WDR3: variants seen among roughly 807,000 people sequenced by gnomAD.
The protein encoded by WDR3 is WD repeat domain 3.
Under a neutral mutation model 123.7 loss-of-function variants are expected in WDR3, and 81 were observed. The observed-to-expected ratio is 0.65, with a 90% confidence interval of 0.55 to 0.79. WDR3 has a LOEUF of 0.79. Among genes scored for constraint, WDR3 ranks in the 30% least tolerant of loss-of-function variants. WDR3 has a pLI of 0.00. For missense variants in WDR3, 1,027 were observed against 1,123.2 expected, an observed-to-expected ratio of 0.91 and a Z score of 1.22; for synonymous variants, 390 against 388.8, an observed-to-expected ratio of 1.00 and a Z score of -0.04.
Position 117,959,354 on chromosome 1 carries a change from T to C in WDR3, c.2739T>C (p.Ser913=). The change falls in exon 27 of 27, where the codon AGT becomes AGC. Residue 913 remains serine (S), a synonymous_variant. Coordinates refer to ENST00000349139, the MANE Select transcript of WDR3 (RefSeq NM_006784.3). ...DYLKRECEAK[S]EVMFFADATS... ...TCAAGAGGGAATGCGAGGCAAAAAG[T>C]GAAGTTATGTTTTTTGCTGATGCTA... is the stretch of plus-strand genomic sequence containing the variant. The C allele has an allele frequency of 3.7e-6, 6 of 1,613,634 alleles. No homozygotes were observed. Among genetic ancestry groups the C allele is most frequent in the Non-Finnish European group, 5.1e-6 (6 of 1,179,860 alleles).
In WDR3 at chr1:117,943,599, C is replaced by T. The variant is rs1321295791; in HGVS notation, c.1301C>T (p.Ala434Val). 6.2e-7 allele frequency: 1 copy of T among 1,614,126 alleles called. No homozygotes were observed. Among genetic ancestry groups the T allele is most frequent in the Admixed American group, 1.7e-5 (1 of 60,024 alleles). The part of the protein sequence containing the change: ...SSDNIAVLSA[A>V]ADSIKIWNRS... ...GACAATATTGCTGTTCTTTCAGCTGCAGCTGATTCCATTAAAATATGGAAC... is the reference window on the plus strand; with the variant it reads ...GACAATATTGCTGTTCTTTCAGCTGTAGCTGATTCCATTAAAATATGGAAC... The change falls in exon 11 of 27, where the codon GCA (alanine) becomes GTA (valine). Residue 434 changes from alanine to valine, a missense_variant. Physicochemically the swap from Ala to Val is moderately conservative, Grantham distance 64. Coordinates refer to ENST00000349139, the MANE Select transcript of WDR3 (RefSeq NM_006784.3).
chr1:117,931,699 G>A (rs1398621799), intron 1 of WDR3, among the ~76,000 whole-genome samples: 1 of 152,160 alleles, frequency 6.6e-6, no homozygotes. Flanking sequence ...GATGGCCAAA[G>A]ACAGACAAAC....
rs1650851517 is a variant in WDR3, at chr1:117,934,582, T to C, written c.281T>C (p.Leu94Pro). 2 of 1,614,040 alleles carry C rather than the reference T, an allele frequency of 1.2e-6. No homozygotes were observed. Among genetic ancestry groups the C allele is most frequent in the African/African-American group, 1.3e-5 (1 of 74,932 alleles). Residue 94 changes from leucine to proline, a missense_variant, in exon 3 of 27, where the codon CTC (leucine) becomes CCC (proline). Transcript: ENST00000349139. ...YEDGSIRIFSLLSGEGNVTFN... is the reference protein window; with the variant it reads ...YEDGSIRIFSPLSGEGNVTFN... ...GATGGGTCGATCCGAATCTTCAGTC[T>C]CCTGAGTGGGGAAGGAAATGTGACC...
intron 8 of WDR3, 108 bp from the exon 9 acceptor site, chr1:117,941,642 A>G (rs10733098): frequency 1.6e-4 from 217 of 1,368,854 alleles, no homozygotes; most frequent in Middle Eastern, 2.5e-4. Flanking sequence ...CCAAGGTAAT[A>G]CAACTACTAA....
At position 117,952,351 on chromosome 1, in the gene WDR3, A is replaced by G; in HGVS notation, c.1959A>G (p.Lys653=). 6.2e-7 allele frequency: 1 copy of G among 1,613,470 alleles called. No individual in the cohort carries two copies. Among genetic ancestry groups the G allele is most frequent in the South Asian group, 1.1e-5 (1 of 91,026 alleles). ...CTCACCTCTTCTTCACTGCCGGAAA[A>G]GATCATAAGATTAAACAGTGGGATG... The part of the protein sequence containing the change: ...PKSHLFFTAG[K]DHKIKQWDAD... Residue 653 remains lysine (K), a synonymous_variant, in exon 18 of 27, where the codon AAA becomes AAG. Coordinates refer to ENST00000349139, the MANE Select transcript of WDR3 (RefSeq NM_006784.3).
At chr1:117,955,874 A>G (rs1281006170) in intron 24 of WDR3, among the ~76,000 whole-genome samples, 1 of 151,902 alleles carries the variant, frequency 6.6e-6, no homozygotes, top group East Asian at 1.9e-4. Context: ...GAATATGTTT[A>G]CACATATATC....
chr1:117,938,681 T>G, intron 5 of WDR3, 123 bp downstream of exon 5: 1 of 764,498 alleles, frequency 1.3e-6, no homozygotes, highest in South Asian at 2.0e-5. Context: ...ATATGCCATC[T>G]TGAGGGACAG....
intron 1 of WDR3, among the ~76,000 whole-genome samples, chr1:117,930,744 T>G (rs1571005522): frequency 6.6e-6 from 1 of 152,190 alleles, no homozygotes; most frequent in African/African-American, 2.4e-5. Context: ...TGGAATTGAC[T>G]AAAGAGAAAG....
intron 24 of WDR3, 125 bp downstream of exon 24, chr1:117,955,483 T>C (rs1479638556): frequency 1.2e-5 from 10 of 840,168 alleles, no homozygotes; most frequent in Non-Finnish European, 1.8e-5. Context: ...TATATCAAAG[T>C]TTTGATGGAA....
At chr1:117,957,893 G>A (rs1652450669) in intron 25 of WDR3, among the ~76,000 whole-genome samples, 1 of 152,164 alleles carries the variant, frequency 6.6e-6, no homozygotes, top group South Asian at 2.1e-4. Context: ...CTCTACAGGT[G>A]CAAATGGAAA....
intron 12 of WDR3, among the ~76,000 whole-genome samples, chr1:117,947,962 AG>A (rs907483488): frequency 5.0e-4 from 76 of 152,326 alleles, no homozygotes; most frequent in African/African-American, 1.8e-3. Flanking sequence ...ATTGCAGAGG[AG>A]GAAACCAAAA....
Position 117,964,268 on chromosome 1 carries a change from C to T in WDR3, c.*4821C>T, listed in dbSNP as rs1190504145. On this transcript the variant is annotated 3_prime_UTR_variant, in exon 27 of 27. Transcript: ENST00000349139. ...TTTTTTTTTTTGGTGGGGAGAGGGA[C>T]AGATCATTGTTGACACTGTAAGTAA... 5.7e-6 allele frequency: 1 copy of T among 174,986 alleles called. No homozygotes were observed. Among genetic ancestry groups the T allele is most frequent in the Non-Finnish European group, 1.2e-5 (1 of 84,502 alleles). The allele number at this position is 174,986 out of a possible 1,614,324, so 10.8% of individuals were successfully genotyped here. A position where few individuals can be genotyped will look rare whatever the true frequency, so the allele number is the denominator to read the frequency against.
chr1:117,964,773 ACT>A lies in WDR3; in HGVS notation c.*5327_*5328del, dbSNP rs1653598647. Reference sequence around the variant, plus strand: ...AAGCATAAATGAACAAATGAACTAAACTTCATTTATTGACATCAGTGCTATCT... The same window carrying A: ...AAGCATAAATGAACAAATGAACTAAATCATTTATTGACATCAGTGCTATCT... On this transcript the variant is annotated 3_prime_UTR_variant, in exon 27 of 27. Coordinates refer to ENST00000349139, the MANE Select transcript of WDR3 (RefSeq NM_006784.3). 6.6e-6 allele frequency: 1 copy of A among 152,164 alleles called. No individual in the cohort carries two copies. Among genetic ancestry groups the A allele is most frequent in the East Asian group, 1.9e-4 (1 of 5,192 alleles). The allele number at this position is 152,164 out of a possible 1,614,324, so 9.4% of individuals were successfully genotyped here. A position where few individuals can be genotyped will look rare whatever the true frequency, so the allele number is the denominator to read the frequency against.
rs764026930 is a variant in WDR3, at chr1:117,943,365, CTAGAACATTTATGATTA to C, written c.1098-29_1098-13del. 1.3e-6 allele frequency: 2 copies of C among 1,567,666 alleles called. No homozygotes were observed. Among genetic ancestry groups the C allele is most frequent in the South Asian group, 2.3e-5 (2 of 87,802 alleles). On this transcript the variant is annotated splice_polypyrimidine_tract_variant and intron_variant, in intron 10 of 26. Coordinates refer to ENST00000349139, the MANE Select transcript of WDR3 (RefSeq NM_006784.3). Reference sequence around the variant, plus strand: ...TAAACCTTGTGAGCTAAGATGGTAGCTAGAACATTTATGATTATTTTCTTGTACAGGTCCTTTGACTT... The same window carrying C: ...TAAACCTTGTGAGCTAAGATGGTAGCTTTTCTTGTACAGGTCCTTTGACTT...
At position 117,965,619 on chromosome 1, in the gene WDR3, T is replaced by C. The variant is rs193256525; in HGVS notation, c.*6172T>C. On this transcript the variant is annotated 3_prime_UTR_variant, in exon 27 of 27. Coordinates refer to ENST00000349139, the MANE Select transcript of WDR3 (RefSeq NM_006784.3). Reference sequence around the variant, plus strand: ...TGACTGTTCCCCCACTCCCAGTTCTTGTCCTCACACATGGCCCATTCAGGT... The same window carrying C: ...TGACTGTTCCCCCACTCCCAGTTCTCGTCCTCACACATGGCCCATTCAGGT... 133 of 152,228 alleles carry C rather than the reference T, an allele frequency of 8.7e-4. No homozygotes were observed. Among genetic ancestry groups the C allele is most frequent in the African/African-American group, 3.2e-3 (132 of 41,550 alleles). The allele number at this position is 152,228 out of a possible 1,614,324, so 9.4% of individuals were successfully genotyped here. A position where few individuals can be genotyped will look rare whatever the true frequency, so the allele number is the denominator to read the frequency against.
chr1:117,955,781 G>A (rs1317510989), intron 24 of WDR3, among the ~76,000 whole-genome samples: 2 of 150,606 alleles, frequency 1.3e-5, no homozygotes, highest in Non-Finnish European at 3.0e-5. Context: ...AAAAATCATT[G>A]GATTCAGAAT....
At chr1:117,952,712 C>G (rs1444973701) in intron 19 of WDR3, 50 bp downstream of exon 19, 7 of 1,594,516 alleles carry the variant, frequency 4.4e-6, no homozygotes, top group Non-Finnish European at 6.0e-6. Context: ...ATCTGACAGG[C>G]TGTCCTAGTT....
In WDR3 at chr1:117,934,655, A is replaced by T. The variant is rs762325249; in HGVS notation, c.354A>T (p.Leu118=). 1.1e-5 allele frequency: 17 copies of T among 1,613,728 alleles called. No homozygotes were observed. The East Asian group carries it at 3.8e-4, about 36-fold the overall frequency. ...AAITTLKYDQ[L]GGRLASGSKD... is the part of the protein sequence containing the mutation. ...TCACTACCTTGAAGTATGATCAGCT[A>T]GGAGGCAGACTGGCATCTGGGTCCA... Residue 118 remains leucine (L), a synonymous_variant, in exon 3 of 27, where the codon CTA becomes CTT. Transcript: ENST00000349139.
intron 3 of WDR3, 53 bp from the exon 4 acceptor site, chr1:117,936,716 G>T: frequency 7.3e-7 from 1 of 1,372,864 alleles, no homozygotes; most frequent in East Asian, 2.3e-5. Context: ...GTCAAGTTGG[G>T]CCATATATGG....
Sources: allele counts gnomAD v4.1 joint callset (sites outside exome capture counted in the v4.1 genomes callset), GRCh38; gene constraint gnomAD v4.1.1; transcripts MANE v1.5; gene names NCBI Gene and HGNC (gene_info 2026-07-23, HGNC 2026-07-21).